USF3: variants seen among roughly 807,000 people sequenced by gnomAD.
USF3 encodes basic helix-loop-helix domain-containing protein USF3.
A neutral mutation model predicts 157.5 loss-of-function variants in USF3; 29 were observed. The observed-to-expected ratio is 0.18, with a 90% CI of 0.14 to 0.25. The LOEUF is 0.25. Ranked by LOEUF, USF3 falls within the 10% of genes least tolerant of loss-of-function variation. The probability of loss-of-function intolerance (pLI) is 1.00; values close to 1 mark genes in which losing one functional copy is unlikely to be tolerated. For missense variants in USF3, 2,381 were observed against 2,667.6 expected (o/e 0.89, Z 2.37); for synonymous variants, 893 against 941.4 (o/e 0.95, Z 0.94).
Position 113,692,225 on chromosome 3 carries a change from T to A in USF3, c.-135+4145A>T, listed in dbSNP as rs570270576. Reference sequence around the variant, plus strand: ...GCCTTAGAGGTTAGACTAAATACCCTTCTTCATACTCCCAAACATCCTAAT... The same window carrying A: ...GCCTTAGAGGTTAGACTAAATACCCATCTTCATACTCCCAAACATCCTAAT... On this transcript the variant is annotated intron_variant, in intron 1 of 6. Coordinates refer to ENST00000316407, the MANE Select transcript of USF3 (RefSeq NM_001009899.4). 6.8e-4 allele frequency among the ~76,000 whole-genome samples: 104 copies of A among 152,312 alleles called. 3 individuals are homozygous for A. In the South Asian group the frequency reaches 0.021, roughly 31 times the overall value.
intron 5 of USF3, 66 bp downstream of exon 5, chr3:113,670,055 C>A: frequency 9.6e-7 from 1 of 1,042,164 alleles, no homozygotes. Flanking sequence ...TCATTCTAAG[C>A]ACCAAAACAA....
At position 113,658,421 on chromosome 3, in the gene USF3, G is replaced by C. The variant is rs749421428; in HGVS notation, c.3261C>G (p.Pro1087=). The C allele has an allele frequency of 1.5e-5, 24 of 1,614,000 alleles. 1 individual carries two copies. The highest frequency in any genetic ancestry group is 5.5e-5 in the South Asian group (5 of 91,074). The change falls in exon 7 of 7, where the codon CCC becomes CCG. Residue 1087 remains proline, a synonymous_variant. Transcript: ENST00000316407. ...GACTACTGCCAGAGCTGGTTGACAT[G>C]GGAGAGTCGGCCTGTCTACCGTTGA... ...SLINGRQADS[P]MSTSSGSSRS...
rs1463623750 is a variant in USF3 at position 113,686,591 on chromosome 3, C to T, written c.-134-9194G>A. Among the ~76,000 whole-genome samples, 22 of 152,190 alleles carry T rather than the reference C, an allele frequency of 1.4e-4. 1 individual carries two copies. Among genetic ancestry groups the T allele is most frequent in the Admixed American group, 1.4e-3 (22 of 15,280 alleles). On this transcript the variant is annotated intron_variant, in intron 1 of 6. Coordinates refer to ENST00000316407, the MANE Select transcript of USF3 (RefSeq NM_001009899.4). The stretch of plus-strand genomic sequence containing the variant: ...GGTGGAAGGCACTGTGCCTGGCCAC[C>T]TGATATTTGGTTCTTATGTGGATAG...
intron 1 of USF3, among the ~76,000 whole-genome samples, chr3:113,680,391 T>C (rs1310161006): frequency 6.6e-6 from 1 of 152,204 alleles, no homozygotes; most frequent in Non-Finnish European, 1.5e-5. Flanking sequence ...TATAGTTGCT[T>C]ATAGTAGTCT....
intron 4 of USF3, among the ~76,000 whole-genome samples, chr3:113,671,765 C>CTTT (rs10686146): frequency 2.4e-4 from 27 of 113,134 alleles, no homozygotes; most frequent in African/African-American, 3.4e-4. Context: ...TTTCTTCTTC[C>CTTT]TTTTTTTTTT....
chr3:113,656,973 A>G lies in USF3; in HGVS notation c.4709T>C (p.Phe1570Ser). The G allele has an allele frequency of 6.2e-7, 1 of 1,614,138 alleles. No homozygotes were observed. Among genetic ancestry groups the G allele is most frequent in the Non-Finnish European group, 8.5e-7 (1 of 1,180,036 alleles). ...GCTCTTCTCTGTCTGGGAGCTTCCA[A>G]AGTGTTGCTGCATTTGTTGCTGCAT... ...QQMQQQMQQH[F>S]GSSQTEKSCE... The change falls in exon 7 of 7, where the codon TTT becomes TCT. Residue 1570 changes from phenylalanine (F) to serine (S), a missense_variant. By Grantham distance (155) the Phe-to-Ser change is radical (BLOSUM62 -2). Around this residue, in one of 6 missense-constraint regions of USF3, gnomAD observed 770 missense variants for 824.2 expected, o/e 0.93. Transcript: ENST00000316407.
chr3:113,693,736 T>C (rs147101577), intron 1 of USF3, among the ~76,000 whole-genome samples: 7 of 152,304 alleles, frequency 4.6e-5, no homozygotes, highest in Admixed American at 2.6e-4. Flanking sequence ...CCATGTAGCA[T>C]AGAAGTTCAA....
chr3:113,661,217 C>G lies in USF3; in HGVS notation c.465G>C (p.Gln155His), dbSNP rs1386932374. ...KKIIVYSNGN[Q>H]PGGNSQGTAV... ...CTGTTCCCTGGCTGTTTCCACCAGG[C>G]TGATTCCCGTTGGAATAAACAATAA... is the stretch of plus-strand genomic sequence containing the variant. Residue 155 changes from glutamine (Q) to histidine (H), a missense_variant, in exon 7 of 7, where the codon CAG (glutamine) becomes CAC (histidine). Around this residue, in one of 6 missense-constraint regions of USF3, gnomAD observed 1,435 missense variants for 1,550.9 expected, o/e 0.93. Coordinates refer to ENST00000316407, the MANE Select transcript of USF3 (RefSeq NM_001009899.4). 6.2e-7 allele frequency: 1 copy of G among 1,613,974 alleles called. No homozygotes were observed. The highest frequency in any genetic ancestry group is 8.5e-7 in the Non-Finnish European group (1 of 1,179,916).
intron 4 of USF3, among the ~76,000 whole-genome samples, chr3:113,671,765 C>CTTTT (rs10686146): frequency 1.3e-4 from 15 of 113,134 alleles, no homozygotes; most frequent in Non-Finnish European, 1.6e-4. Context: ...TTTCTTCTTC[C>CTTTT]TTTTTTTTTT....
intron 1 of USF3, among the ~76,000 whole-genome samples, chr3:113,690,524 G>C (rs1456671122): frequency 6.6e-6 from 1 of 152,036 alleles, no homozygotes; most frequent in African/African-American, 2.4e-5. Flanking sequence ...CTTCCACCTA[G>C]TACAACACAC....
intron 3 of USF3, 87 bp downstream of exon 3, chr3:113,674,745 T>G (rs1707239116): frequency 1.0e-6 from 1 of 995,454 alleles, no homozygotes; most frequent in African/African-American, 1.6e-5. Flanking sequence ...ATAAAAGTTC[T>G]CTAAGGACTA....
rs1947249151 is a variant in USF3 at position 113,650,873 on chromosome 3, A to G, written c.*4071T>C. ...ATGTTAAATTTTACGAAGCAAGACC[A>G]TTGAGGAATTCCTACACCTTACCTA... On this transcript the variant is annotated 3_prime_UTR_variant, in exon 7 of 7. Transcript: ENST00000316407. The G allele has an allele frequency of 6.6e-6, 1 of 152,146 alleles. No homozygotes were observed. The highest frequency in any genetic ancestry group is 6.5e-5 in the Admixed American group (1 of 15,270). 9.4% of individuals were successfully genotyped at this position (152,146 alleles called of 1,614,324 possible).
intron 1 of USF3, among the ~76,000 whole-genome samples, chr3:113,692,768 T>G (rs983960217): frequency 6.6e-6 from 1 of 152,252 alleles, no homozygotes; most frequent in African/African-American, 2.4e-5. Context: ...ACTGATCTAA[T>G]TAAAAGATCT....
chr3:113,663,232 C>G (rs1947514290), intron 6 of USF3, among the ~76,000 whole-genome samples: 2 of 152,118 alleles, frequency 1.3e-5, no homozygotes, highest in South Asian at 4.1e-4. Flanking sequence ...TTCTGAGTCC[C>G]ACGCAACTTC....
chr3:113,656,952 T>C lies in USF3; in HGVS notation c.4730A>G (p.Lys1577Arg). ...ACTAGTTGAAGGGTTTTCACAGCTC[T>C]TCTCTGTCTGGGAGCTTCCAAAGTG... ...QQHFGSSQTEKSCENPSTSRN... is the reference protein window; with the variant it reads ...QQHFGSSQTERSCENPSTSRN... Residue 1577 changes from lysine to arginine, a missense_variant, in exon 7 of 7, where the codon AAG becomes AGG. By Grantham distance (26) the Lys-to-Arg change is conservative. Transcript: ENST00000316407. The C allele has an allele frequency of 6.2e-7, 1 of 1,614,176 alleles. No individual in the cohort carries two copies.
Position 113,659,294 on chromosome 3 carries a change from A to G in USF3, c.2388T>C (p.Asn796=), listed in dbSNP as rs1480483145. 1.9e-6 allele frequency: 3 copies of G among 1,614,210 alleles called. No homozygotes were observed. The East Asian group carries it at 6.7e-5, about 36-fold the overall frequency. The part of the protein sequence containing the change: ...CLPNMKSKRL[N]KKPGGRKHLA... ...AGTGTTTCCTGCCACCTGGCTTCTT[A>G]TTCAACCTTTTAGATTTCATGTTAG... The change falls in exon 7 of 7, where the codon AAT becomes AAC. Residue 796 remains asparagine, a synonymous_variant. Transcript: ENST00000316407.
Position 113,653,621 on chromosome 3 carries a change from A to C in USF3, c.*1323T>G, listed in dbSNP as rs1381705837. 3 of 151,808 alleles carry C rather than the reference A, an allele frequency of 2.0e-5. No individual in the cohort carries two copies. The highest frequency in any genetic ancestry group is 1.9e-4 in the East Asian group (1 of 5,184). 9.4% of individuals were successfully genotyped at this position (151,808 alleles called of 1,614,324 possible). On this transcript the variant is annotated 3_prime_UTR_variant, in exon 7 of 7. Transcript: ENST00000316407. Reference sequence around the variant, plus strand: ...CCATCTATTAAAAAAAAAAAAAAAAAAAAAACCCTACCTATATCAAGTTCT... The same window carrying C: ...CCATCTATTAAAAAAAAAAAAAAAACAAAAACCCTACCTATATCAAGTTCT...
intron 1 of USF3, among the ~76,000 whole-genome samples, chr3:113,687,265 A>C (rs999841081): frequency 1.2e-4 from 17 of 139,966 alleles, no homozygotes; most frequent in Non-Finnish European, 2.2e-4. Flanking sequence ...ACACACACAC[A>C]CCCCCTTTCT....
chr3:113,691,895 C>T (rs1399913927), intron 1 of USF3, among the ~76,000 whole-genome samples: 1 of 152,182 alleles, frequency 6.6e-6, no homozygotes, highest in Non-Finnish European at 1.5e-5. Context: ...TCTTCATTAT[C>T]CTCTTTAAAG....
Sources: gnomAD v4.1 joint callset for allele counts (sites outside exome capture counted in the v4.1 genomes callset) on GRCh38, gnomAD v4.1.1 for gene constraint, gnomAD v4.1.1 regional missense constraint, MANE v1.5 for transcripts, NCBI Gene and HGNC (gene_info 2026-07-23, HGNC 2026-07-21) for gene names.